The following CDH22 variants were observed in gnomAD, a reference collection of about 807,000 sequenced individuals.
CDH22 encodes the protein cadherin-22.
Under a neutral mutation model 58.4 loss-of-function variants are expected in CDH22, and 30 were observed. That is an observed-to-expected ratio of 0.51 (90% CI 0.38 to 0.70). The LOEUF (loss-of-function observed/expected upper bound fraction) is 0.70. Among genes scored for constraint, CDH22 ranks in the 30% least tolerant of loss-of-function variants. CDH22 has a pLI of 0.00. For missense variants in CDH22, 1,014 were observed against 1,233.9 expected (o/e 0.82, Z 2.67); for synonymous variants, 513 against 558.2 (o/e 0.92, Z 1.14).
intron 2 of CDH22, among the ~76,000 whole-genome samples, chr20:46,250,783 C>T (rs2086366198): frequency 6.6e-6 from 1 of 152,154 alleles, no homozygotes; most frequent in African/African-American, 2.4e-5. Flanking sequence ...ATCCCACATG[C>T]ATCTAGCTAC....
In CDH22 at chr20:46,210,429, C is replaced by A; in HGVS notation, c.1164G>T (p.Val388=). The A allele has an allele frequency of 6.9e-7, 1 of 1,454,568 alleles. No homozygotes were observed. The highest frequency in any genetic ancestry group is 9.1e-7 in the Non-Finnish European group (1 of 1,103,378). 90.1% of individuals were successfully genotyped at this position (1,454,568 alleles called of 1,614,324 possible). A position where few individuals can be genotyped will look rare whatever the true frequency, so the allele number is the denominator to read the frequency against. ...QAIVRVAVTD[V]DEPPEFRPPS... ...GCGGCCGGAACTCGGGGGGCTCGTCCACGTCGGTCACGGCCACGCGCACGA... is the reference window on the plus strand; with the variant it reads ...GCGGCCGGAACTCGGGGGGCTCGTCAACGTCGGTCACGGCCACGCGCACGA... Residue 388 remains valine (V), a synonymous_variant, in exon 7 of 12, where the codon GTG becomes GTT. Coordinates refer to ENST00000537909, the MANE Select transcript of CDH22 (RefSeq NM_021248.3). The surrounding 1 kb of genome is among the most constrained non-coding windows in gnomAD (Gnocchi z 4.5).
chr20:46,229,035 G>A (rs976233276), intron 3 of CDH22, among the ~76,000 whole-genome samples: 7 of 151,986 alleles, frequency 4.6e-5, no homozygotes, highest in Non-Finnish European at 1.0e-4. Context: ...CCTGCAATGC[G>A]CCTCTCTCTT....
chr20:46,232,356 A>T (rs1319257661), intron 3 of CDH22, among the ~76,000 whole-genome samples: 1 of 151,886 alleles, frequency 6.6e-6, no homozygotes, highest in Non-Finnish European at 1.5e-5. Context: ...CTGTGGAAAA[A>T]CTTCCCAATC....
At chr20:46,247,644 C>T (rs2086340503) in intron 2 of CDH22, among the ~76,000 whole-genome samples, 1 of 151,958 alleles carries the variant, frequency 6.6e-6, no homozygotes, top group Non-Finnish European at 1.5e-5. Context: ...GGAACCAATC[C>T]CCCATCGAGA....
rs2086372943 is a variant in CDH22 at position 46,251,332 on chromosome 20, C to T, written c.-38G>A. The T allele has an allele frequency of 7.1e-7, 1 of 1,417,876 alleles. No homozygotes were observed. The highest frequency in any genetic ancestry group is 9.1e-7 in the Non-Finnish European group (1 of 1,094,656). The allele number at this position is 1,417,876 out of a possible 1,614,324, so 87.8% of individuals were successfully genotyped here. A position where few individuals can be genotyped will look rare whatever the true frequency, so the allele number is the denominator to read the frequency against. ...CGGGGCTGGGGCCCAGGAGCATGGACGAGAGGCACCAGGGCGCCGCTGCTT... is the reference window on the plus strand; with the variant it reads ...CGGGGCTGGGGCCCAGGAGCATGGATGAGAGGCACCAGGGCGCCGCTGCTT... On this transcript the variant is annotated 5_prime_UTR_variant, in exon 2 of 12. Transcript: ENST00000537909. This position sits in a 1 kb window ranked among gnomAD's most constrained non-coding sequence, Gnocchi z 6.7.
rs2086291506 is a variant in CDH22, at chr20:46,241,735, G to A, written c.256-478C>T. Among the ~76,000 whole-genome samples, 2 of 152,048 alleles carry A rather than the reference G, an allele frequency of 1.3e-5. No homozygotes were observed. The highest frequency in any genetic ancestry group is 4.8e-5 in the African/African-American group (2 of 41,402). On this transcript the variant is annotated intron_variant, in intron 2 of 11. Coordinates refer to ENST00000537909, the MANE Select transcript of CDH22 (RefSeq NM_021248.3). The surrounding 1 kb of genome is among the most constrained non-coding windows in gnomAD (Gnocchi z 5.2). ...TTCAGAAAGCTTTTCTGGATCCTCA[G>A]TCTCCCCCTGCCCCCAGGATCTCTC...
At chr20:46,242,996 C>T (rs1458849292) in intron 2 of CDH22, among the ~76,000 whole-genome samples, 1 of 152,154 alleles carries the variant, frequency 6.6e-6, no homozygotes, top group African/African-American at 2.4e-5. Context: ...TCTTCCAATG[C>T]CCAAATCTCC....
At chr20:46,302,283 G>A (rs527870450) in intron 1 of CDH22, among the ~76,000 whole-genome samples, 1 of 152,090 alleles carries the variant, frequency 6.6e-6, no homozygotes, top group Non-Finnish European at 1.5e-5. Flanking sequence ...CAGTGGGGTG[G>A]GGGGGACTGT....
At chr20:46,268,655 G>A (rs528742102) in intron 1 of CDH22, among the ~76,000 whole-genome samples, 4 of 152,202 alleles carry the variant, frequency 2.6e-5, no homozygotes, top group South Asian at 2.1e-4. Flanking sequence ...ACTCCAGCAC[G>A]GCCGGCCGCT....
intron 1 of CDH22, among the ~76,000 whole-genome samples, chr20:46,301,069 A>C (rs1177891195): frequency 6.6e-6 from 1 of 152,218 alleles, no homozygotes; most frequent in Non-Finnish European, 1.5e-5. Context: ...GCAAGATGCC[A>C]TTTTTATTTT....
intron 2 of CDH22, among the ~76,000 whole-genome samples, chr20:46,245,938 G>T (rs2086325238): frequency 1.3e-5 from 2 of 152,126 alleles, no homozygotes; most frequent in Admixed American, 1.3e-4. Context: ...CGGCCCCAAA[G>T]CCTGACACCA....
chr20:46,204,501 T>C (rs1000676867), intron 7 of CDH22, among the ~76,000 whole-genome samples: 2 of 151,884 alleles, frequency 1.3e-5, no homozygotes, highest in Admixed American at 6.6e-5. Context: ...ATCCTTAAGA[T>C]GGTTCTTGGT....
chr20:46,260,273 C>T (rs2086426874), intron 1 of CDH22, among the ~76,000 whole-genome samples: 1 of 152,114 alleles, frequency 6.6e-6, no homozygotes, highest in African/African-American at 2.4e-5. Context: ...ACCAAGAGGC[C>T]AAAGAGGCCT....
At position 46,280,760 on chromosome 20, in the gene CDH22, T is replaced by C. The variant is rs1171347607; in HGVS notation, c.-400+27495A>G. On this transcript the variant is annotated intron_variant, in intron 1 of 11. Transcript: ENST00000537909. The stretch of plus-strand genomic sequence containing the variant: ...CTTCCTCACTCTGTAAGATAAGACC[T>C]AGTTTGCAGGTTGCTGCGGGCAAAA... 2.0e-5 allele frequency among the ~76,000 whole-genome samples: 3 copies of C among 152,318 alleles called. No individual in the cohort carries two copies. In the East Asian group the frequency reaches 5.8e-4, roughly 29 times the overall value.
chr20:46,190,762 C>T lies in CDH22; in HGVS notation c.1424-3815G>A, dbSNP rs190042320. 5.9e-5 allele frequency among the ~76,000 whole-genome samples: 9 copies of T among 152,256 alleles called. No individual in the cohort carries two copies. The East Asian group carries it at 7.7e-4, about 13-fold the overall frequency. ...AATTAAAATTAAACGTGCTTTGGCC[C>T]GGTGCTTCCTCCTTGAACTGCCTCA... On this transcript the variant is annotated intron_variant, in intron 8 of 11. Transcript: ENST00000537909.
At chr20:46,189,085 G>A (rs1324213292) in intron 8 of CDH22, among the ~76,000 whole-genome samples, 1 of 152,158 alleles carries the variant, frequency 6.6e-6, no homozygotes, top group Non-Finnish European at 1.5e-5. Context: ...ACAGAGATAG[G>A]AAGGCAGGTG....
chr20:46,277,415 A>G (rs937111775), intron 1 of CDH22, among the ~76,000 whole-genome samples: 1 of 152,234 alleles, frequency 6.6e-6, no homozygotes, highest in Non-Finnish European at 1.5e-5. Context: ...TGCAGGTGGC[A>G]CACACACCAC....
Position 46,216,695 on chromosome 20 carries a change from A to G in CDH22, c.838+131T>C. On this transcript the variant is annotated intron_variant, in intron 5 of 11. Transcript: ENST00000537909. The surrounding 1 kb of genome is among the most constrained non-coding windows in gnomAD (Gnocchi z 5.3). ...GCTGGTGGCTTGGGAGGACAGACAG[A>G]CAGACAGAAAGAGAGGGGGAAGCCC... The G allele has an allele frequency of 1.1e-6, 1 of 885,432 alleles. No individual in the cohort carries two copies. Among genetic ancestry groups the G allele is most frequent in the Non-Finnish European group, 1.8e-6 (1 of 564,956 alleles). 54.8% of individuals were successfully genotyped at this position (885,432 alleles called of 1,614,324 possible).
At chr20:46,293,694 CCATT>C (rs979046678) in intron 1 of CDH22, among the ~76,000 whole-genome samples, 41 of 152,118 alleles carry the variant, frequency 2.7e-4, no homozygotes, top group Non-Finnish European at 5.3e-4. Flanking sequence ...TGAGATCCAT[CCATT>C]CAACAGGTAT....
Sources: gnomAD v4.1 joint callset for allele counts (sites outside exome capture counted in the v4.1 genomes callset) on GRCh38, gnomAD v4.1.1 for gene constraint, Gnocchi (gnomAD v3.1) non-coding constraint, MANE v1.5 for transcripts, NCBI Gene and HGNC (gene_info 2026-07-23, HGNC 2026-07-21) for gene names.